NAV2: variants seen among roughly 807,000 people sequenced by gnomAD.
The protein encoded by NAV2 is helicase, APC down-regulated 1.
A neutral mutation model predicts 223.2 loss-of-function variants in NAV2; 54 were observed. The ratio of observed to expected loss-of-function variants is 0.24; its 90% CI spans 0.19 to 0.30. The LOEUF (loss-of-function observed/expected upper bound fraction) is 0.30, where lower values mean the gene tolerates loss of function less well. Ranked by LOEUF, NAV2 falls within the 10% of genes least tolerant of loss-of-function variation. NAV2 has a pLI of 1.00. For synonymous variants in NAV2, 1,279 were observed against 1,239.3 expected (o/e 1.03, Z -0.67); for missense variants, 2,806 against 3,147.5 (o/e 0.89, Z 2.60).
chr11:20,113,242 C>T (rs560399634), intron 36 of NAV2, among the ~76,000 whole-genome samples: 21 of 152,256 alleles, frequency 1.4e-4, no homozygotes, highest in Admixed American at 4.6e-4. Flanking sequence ...TGGAGTTGCA[C>T]GGTGGTTAAG....
At chr11:19,424,952 T>G (rs1850767916) in intron 1 of NAV2, among the ~76,000 whole-genome samples, 1 of 152,196 alleles carries the variant, frequency 6.6e-6, no homozygotes, top group South Asian at 2.1e-4. Context: ...GTCCCCATAA[T>G]ATGTTGATAT....
At chr11:20,087,736 C>G (rs1261995123) in intron 26 of NAV2, among the ~76,000 whole-genome samples, 1 of 152,162 alleles carries the variant, frequency 6.6e-6, no homozygotes, top group Admixed American at 6.5e-5. Context: ...TTCAGGAACA[C>G]AGGCTCTAGA....
rs2049981306 is a variant in NAV2 at position 19,713,042 on chromosome 11, C to G, written c.-654C>G. ...CTCAGTCCGGGGGCCTTCTGGGCAG[C>G]GGTGACTGTCACCCCAAGAGAGACC... On this transcript the variant is annotated 5_prime_UTR_variant, in exon 1 of 38. Coordinates refer to ENST00000349880, the MANE Select transcript of NAV2 (RefSeq NM_145117.5). The surrounding 1 kb of genome is among the most constrained non-coding windows in gnomAD (Gnocchi z 7.2). Among the ~76,000 whole-genome samples the G allele has an allele frequency of 6.6e-6, 1 of 152,152 alleles. No individual in the cohort carries two copies. The highest frequency in any genetic ancestry group is 2.1e-4 in the South Asian group (1 of 4,832).
chr11:19,715,052 A>G (rs1283033456), intron 1 of NAV2, among the ~76,000 whole-genome samples: 1 of 152,114 alleles, frequency 6.6e-6, no homozygotes, highest in Non-Finnish European at 1.5e-5. Context: ...TGCTGACACC[A>G]TCTCCACCTT....
In NAV2 at chr11:20,022,831, T is replaced by C. The variant is rs1015325997; in HGVS notation, c.2769-13128T>C. The C allele has an allele frequency of 1.7e-5, 21 of 1,270,048 alleles. No homozygotes were observed. In the African/African-American group the frequency reaches 2.4e-4, roughly 15 times the overall value. 78.7% of individuals were successfully genotyped at this position (1,270,048 alleles called of 1,614,324 possible). On this transcript the variant is annotated intron_variant, in intron 11 of 37. Coordinates refer to ENST00000349880, the MANE Select transcript of NAV2 (RefSeq NM_145117.5). ...CAGAGTTTGGTGTTAGCTTTTGCTTTGCTGAAACTTTTCACAGCTGACTTG... is the reference window on the plus strand; with the variant it reads ...CAGAGTTTGGTGTTAGCTTTTGCTTCGCTGAAACTTTTCACAGCTGACTTG...
intron 1 of NAV2, among the ~76,000 whole-genome samples, chr11:19,602,552 C>T (rs139626588): frequency 7.0e-4 from 106 of 152,260 alleles, no homozygotes; most frequent in African/African-American, 2.5e-3. Context: ...AACTTGGTGA[C>T]TTAAGACAAC....
chr11:19,816,832 A>C (rs892467067), intron 1 of NAV2, among the ~76,000 whole-genome samples: 1 of 152,196 alleles, frequency 6.6e-6, no homozygotes, highest in African/African-American at 2.4e-5. Flanking sequence ...TATTATTTAT[A>C]AACAAAATCT....
At chr11:19,958,464 A>G (rs2048070577) in intron 10 of NAV2, among the ~76,000 whole-genome samples, 2 of 152,142 alleles carry the variant, frequency 1.3e-5, no homozygotes, top group East Asian at 3.9e-4. Flanking sequence ...TTGGGACACA[A>G]ACACCCTTAC....
chr11:19,534,545 C>T (rs1024054922), intron 1 of NAV2, among the ~76,000 whole-genome samples: 2 of 152,176 alleles, frequency 1.3e-5, no homozygotes, highest in Non-Finnish European at 2.9e-5. Flanking sequence ...AACAAGTGAA[C>T]CTGTCTTGCA....
Position 19,656,932 on chromosome 11 carries a change from C to A in NAV2, c.76-175552C>A, listed in dbSNP as rs559858084. 7.9e-5 allele frequency among the ~76,000 whole-genome samples: 12 copies of A among 152,274 alleles called. No homozygotes were observed. The East Asian group carries it at 2.1e-3, about 27-fold the overall frequency. On this transcript the variant is annotated intron_variant, in intron 1 of 37. Coordinates refer to the NAV2 transcript ENST00000360655. ...ATATCACCTAGGCTTTCCACCTGAGCACCTGGGAGAATGCAGGAGCCATTT... is the reference window on the plus strand; with the variant it reads ...ATATCACCTAGGCTTTCCACCTGAGAACCTGGGAGAATGCAGGAGCCATTT...
intron 14 of NAV2, among the ~76,000 whole-genome samples, chr11:20,047,084 TAA>T (rs1174894688): frequency 6.6e-6 from 1 of 152,104 alleles, no homozygotes; most frequent in East Asian, 1.9e-4. Flanking sequence ...TTTCCAGGGG[TAA>T]GTCTGTTGTG....
At chr11:19,884,745 C>G (rs1405694007) in intron 5 of NAV2, among the ~76,000 whole-genome samples, 1 of 151,916 alleles carries the variant, frequency 6.6e-6, no homozygotes, top group Admixed American at 6.6e-5. Flanking sequence ...CCTAATCCCA[C>G]CTCACCTGCA....
At chr11:20,053,014 C>G (rs930749444) in intron 17 of NAV2, among the ~76,000 whole-genome samples, 55 of 151,822 alleles carry the variant, frequency 3.6e-4, no homozygotes, top group African/African-American at 1.3e-3. Flanking sequence ...GGCGGGAGTT[C>G]AAGACCAGCC....
chr11:20,052,946 G>A (rs942584598), intron 17 of NAV2, among the ~76,000 whole-genome samples: 13 of 152,158 alleles, frequency 8.5e-5, no homozygotes, highest in African/African-American at 3.1e-4. Context: ...GCCAGGTGCG[G>A]TGGCTCATGC....
intron 1 of NAV2, among the ~76,000 whole-genome samples, chr11:19,514,977 C>T (rs1669290451): frequency 6.6e-6 from 1 of 152,142 alleles, no homozygotes; most frequent in Non-Finnish European, 1.5e-5. Flanking sequence ...GTTCTCCTTC[C>T]CAGCTGAATG....
chr11:19,979,700 A>C (rs1299360856), intron 10 of NAV2, among the ~76,000 whole-genome samples: 1 of 152,198 alleles, frequency 6.6e-6, no homozygotes, highest in East Asian at 1.9e-4. Flanking sequence ...CCAGAGCAGG[A>C]ACTAGGTCTT....
Position 19,939,790 on chromosome 11 carries a change from A to G in NAV2, c.2146+17A>G. The G allele has an allele frequency of 6.9e-6, 11 of 1,598,724 alleles. No homozygotes were observed. The highest frequency in any genetic ancestry group is 9.4e-6 in the Non-Finnish European group (11 of 1,167,100). On this transcript the variant is annotated intron_variant, in intron 8 of 37. Coordinates refer to ENST00000349880, the MANE Select transcript of NAV2 (RefSeq NM_145117.5). ...AACTCACTGGTGAGTATGGAGCCTC[A>G]GAAATCTGTGTCTGTTGGTGATGAG...
At chr11:19,538,238 G>A (rs2044243471) in intron 1 of NAV2, among the ~76,000 whole-genome samples, 1 of 152,186 alleles carries the variant, frequency 6.6e-6, no homozygotes, top group Non-Finnish European at 1.5e-5. Context: ...GAGTGGCCTG[G>A]CCCAGGTGGC....
At chr11:19,522,419 A>G (rs1444044108) in intron 1 of NAV2, among the ~76,000 whole-genome samples, 1 of 152,170 alleles carries the variant, frequency 6.6e-6, no homozygotes. Flanking sequence ...TTTCAGCGAT[A>G]AACAGCTTAG....
Sources: gnomAD v4.1 joint callset for allele counts (sites outside exome capture counted in the v4.1 genomes callset) on GRCh38, gnomAD v4.1.1 for gene constraint, Gnocchi (gnomAD v3.1) non-coding constraint, MANE v1.5 for transcripts, NCBI Gene and HGNC (gene_info 2026-07-23, HGNC 2026-07-21) for gene names.